Variants in SLC6A19 observed in about 807,000 individuals in gnomAD.
SLC6A19 encodes the protein solute carrier family 6 member 19, also known as sodium-dependent neutral amino acid transporter B(0)AT1.
Under a neutral mutation model 68.3 loss-of-function variants are expected in SLC6A19, and 67 were observed. The observed-to-expected ratio is 0.98, with a 90% confidence interval of 0.81 to 1.20. SLC6A19 has a LOEUF of 1.20. Ranked by LOEUF, SLC6A19 falls within the 50% of genes most tolerant of loss-of-function variation. The probability of loss-of-function intolerance (pLI) is 0.00; values close to 1 mark genes in which losing one functional copy is unlikely to be tolerated. For synonymous variants in SLC6A19, 392 were observed against 374.9 expected (o/e 1.05, Z -0.53); for missense variants, 813 against 851.6 (o/e 0.95, Z 0.56).
rs1410574210 is a variant in SLC6A19 at position 1,215,751 on chromosome 5, A to T, written c.888-807A>T. ...CTTTCGTTCTTCTGGGTGTGCGCCT[A>T]GGAGTGGAGTTGCTGCGTCATGCTG... On this transcript the variant is annotated intron_variant, in intron 6 of 11. Transcript: ENST00000304460. The surrounding 1 kb of genome is among the most constrained non-coding windows in gnomAD (Gnocchi z 5.1). Among the ~76,000 whole-genome samples, 1 of 152,190 alleles carries T rather than the reference A, an allele frequency of 6.6e-6. No individual in the cohort carries two copies. The highest frequency in any genetic ancestry group is 2.4e-5 in the African/African-American group (1 of 41,436).
chr5:1,203,861 C>T (rs184666475), intron 1 of SLC6A19, among the ~76,000 whole-genome samples: 1 of 152,316 alleles, frequency 6.6e-6, no homozygotes. Flanking sequence ...AGCAGGGCAC[C>T]CGTCTCCTGG....
rs879138777 is a variant in SLC6A19 at position 1,221,040 on chromosome 5, G to A, written c.1539-111G>A. On this transcript the variant is annotated intron_variant, in intron 10 of 11. Coordinates refer to ENST00000304460, the MANE Select transcript of SLC6A19 (RefSeq NM_001003841.3). ...GAGGGATCGGGCCCTGGCAAGGGGA[G>A]GCCGGGCACCTCGCAGCACACCATC... 1.6e-5 allele frequency: 22 copies of A among 1,398,294 alleles called. No individual in the cohort carries two copies. In the South Asian group the frequency reaches 2.0e-4, roughly 13 times the overall value. 86.6% of individuals were successfully genotyped at this position (1,398,294 alleles called of 1,614,324 possible).
chr5:1,205,038 T>C (rs1745814991), intron 1 of SLC6A19, among the ~76,000 whole-genome samples: 2 of 152,160 alleles, frequency 1.3e-5, no homozygotes, highest in South Asian at 2.1e-4. Flanking sequence ...TCTCTTTCCC[T>C]CTGGGTGCTT....
chr5:1,221,131 G>C lies in SLC6A19; in HGVS notation c.1539-20G>C, dbSNP rs113981520. The C allele has an allele frequency of 4.6e-5, 74 of 1,611,560 alleles. No homozygotes were observed. The African/African-American group carries it at 7.9e-4, about 17-fold the overall frequency. On this transcript the variant is annotated intron_variant, in intron 10 of 11. Transcript: ENST00000304460. ...AGCCCAGCTGGTAGCAGCAGTGACA[G>C]CTGTCTCTGGCCTTGGCAGGTTCAA...
chr5:1,201,848 A>G lies in SLC6A19; in HGVS notation c.198A>G (p.Gly66=). Reference sequence around the variant, plus strand: ...TCCCCTACCTGTGTCAGAGCCACGGAGGAGGTAGGCTGGCCGGGCGGGGCT... The same window carrying G: ...TCCCCTACCTGTGTCAGAGCCACGGGGGAGGTAGGCTGGCCGGGCGGGGCT... ...WRFPYLCQSH[G]GGAFMIPFLI... Residue 66 remains glycine, a synonymous_variant, in exon 1 of 12, where the codon GGA becomes GGG. Transcript: ENST00000304460. 6.2e-7 allele frequency: 1 copy of G among 1,610,198 alleles called. No individual in the cohort carries two copies. Among genetic ancestry groups the G allele is most frequent in the South Asian group, 1.1e-5 (1 of 91,056 alleles).
At chr5:1,201,938 G>A (rs1035559236) in intron 1 of SLC6A19, 86 bp downstream of exon 1, 17 of 1,476,626 alleles carry the variant, frequency 1.2e-5, no homozygotes, top group East Asian at 4.9e-5. Flanking sequence ...CATCCTCCCC[G>A]GACCCTCGGC....
At chr5:1,203,078 C>T (rs1745760173) in intron 1 of SLC6A19, among the ~76,000 whole-genome samples, 1 of 152,124 alleles carries the variant, frequency 6.6e-6, no homozygotes, top group Non-Finnish European at 1.5e-5. Context: ...TCCCTGCGCT[C>T]ACCCACACCC....
At position 1,222,496 on chromosome 5, in the gene SLC6A19, G is replaced by A. The variant is rs1746418972; in HGVS notation, c.*592G>A. On this transcript the variant is annotated 3_prime_UTR_variant, in exon 12 of 12. Transcript: ENST00000304460. ...TGCACATGTGTATATGTACATGTAT[G>A]CCTGTGTGACGTGTGTATATGTGAG... 4.7e-6 allele frequency: 2 copies of A among 422,544 alleles called. No individual in the cohort carries two copies. The highest frequency in any genetic ancestry group is 8.3e-6 in the Non-Finnish European group (2 of 239,664). 26.2% of individuals were successfully genotyped at this position (422,544 alleles called of 1,614,324 possible).
Position 1,212,552 on chromosome 5 carries a change from C to A in SLC6A19, c.663+68C>A. 1 of 1,581,902 alleles carries A rather than the reference C, an allele frequency of 6.3e-7. No homozygotes were observed. The highest frequency in any genetic ancestry group is 1.1e-5 in the South Asian group (1 of 90,356). On this transcript the variant is annotated intron_variant, in intron 4 of 11. Transcript: ENST00000304460. This position sits in a 1 kb window ranked among gnomAD's most constrained non-coding sequence, Gnocchi z 5.1. Reference sequence around the variant, plus strand: ...GGGTGCGGGCAGCCCTGCCTCCGGCCGGCTGCACTCTAAAACCCAGGTCTG... The same window carrying A: ...GGGTGCGGGCAGCCCTGCCTCCGGCAGGCTGCACTCTAAAACCCAGGTCTG...
At chr5:1,206,654 G>A (rs1561161862) in intron 1 of SLC6A19, among the ~76,000 whole-genome samples, 1 of 152,142 alleles carries the variant, frequency 6.6e-6, no homozygotes, top group Non-Finnish European at 1.5e-5. Context: ...GGGGGCGGGA[G>A]GATGATGGGG....
intron 4 of SLC6A19, among the ~76,000 whole-genome samples, chr5:1,213,152 C>A (rs1345868498): frequency 2.5e-5 from 3 of 118,512 alleles, no homozygotes; most frequent in Admixed American, 8.4e-5. Flanking sequence ...GTAGGCCTGG[C>A]CCCCCTCCGC....
chr5:1,217,091 G>A lies in SLC6A19; in HGVS notation c.1173+146G>A. On this transcript the variant is annotated intron_variant, in intron 8 of 11. Coordinates refer to ENST00000304460, the MANE Select transcript of SLC6A19 (RefSeq NM_001003841.3). ...CCAGCTCCCACTGTCTGCTCTGCCT[G>A]GCGTCCAGGGCTCTTCGGTCTGGGG... The A allele has an allele frequency of 2.3e-6, 3 of 1,298,728 alleles. 1 individual carries two copies. The South Asian group carries it at 3.8e-5, about 17-fold the overall frequency. 80.5% of individuals were successfully genotyped at this position (1,298,728 alleles called of 1,614,324 possible). A position where few individuals can be genotyped will look rare whatever the true frequency, so the allele number is the denominator to read the frequency against.
rs1037122540 is a variant in SLC6A19 at position 1,209,108 on chromosome 5, C to A, written c.343+222C>A. On this transcript the variant is annotated intron_variant, in intron 2 of 11. Coordinates refer to ENST00000304460, the MANE Select transcript of SLC6A19 (RefSeq NM_001003841.3). This position sits in a 1 kb window ranked among gnomAD's most constrained non-coding sequence, Gnocchi z 5.5. ...ACCAGACAGGCCAGCAGAGGCCGCC[C>A]GAGTCCCTGGCAGCCCAGGGCCCAG... Among the ~76,000 whole-genome samples the A allele has an allele frequency of 1.3e-5, 2 of 152,312 alleles. No individual in the cohort carries two copies. The highest frequency in any genetic ancestry group is 1.5e-5 in the Non-Finnish European group (1 of 68,010).
chr5:1,213,632 C>G, intron 5 of SLC6A19, 59 bp downstream of exon 5: 1 of 1,489,690 alleles, frequency 6.7e-7, no homozygotes, highest in Non-Finnish European at 9.3e-7. Flanking sequence ...TGCCCTGTGC[C>G]CCCGCCAGCC....
At chr5:1,205,665 C>T (rs993518920) in intron 1 of SLC6A19, among the ~76,000 whole-genome samples, 1 of 152,164 alleles carries the variant, frequency 6.6e-6, no homozygotes. Flanking sequence ...AGGGTTAGGG[C>T]ATAGTGGAGG....
chr5:1,221,910 C>CTGTGTTCAGGGTACAGAGGGAGAGT lies in SLC6A19; in HGVS notation c.*6_*7insTGTGTTCAGGGTACAGAGGGAGAGT. On this transcript the variant is annotated 3_prime_UTR_variant, in exon 12 of 12. Coordinates refer to ENST00000304460, the MANE Select transcript of SLC6A19 (RefSeq NM_001003841.3). The stretch of plus-strand genomic sequence containing the variant: ...ACGGGGACCTGAAGTACTGAGAAGG[C>CTGTGTTCAGGGTACAGAGGGAGAGT]CCATCCCACGGCGTGCCATACACTG... The CTGTGTTCAGGGTACAGAGGGAGAGT allele has an allele frequency of 6.2e-7, 1 of 1,613,464 alleles. No homozygotes were observed.
chr5:1,206,934 C>T lies in SLC6A19; in HGVS notation c.203-1812C>T, dbSNP rs75338606. Among the ~76,000 whole-genome samples, 847 of 152,308 alleles carry T rather than the reference C, an allele frequency of 5.6e-3. 3 individuals are homozygous for T. Among genetic ancestry groups the T allele is most frequent in the Middle Eastern group, 0.017 (5 of 294 alleles). On this transcript the variant is annotated intron_variant, in intron 1 of 11. Coordinates refer to ENST00000304460, the MANE Select transcript of SLC6A19 (RefSeq NM_001003841.3). Reference sequence around the variant, plus strand: ...ACAGCTGTGTTTGGAATTCTTGCGCCGTTGCAGCTGCTGACCTCGGTCCCA... The same window carrying T: ...ACAGCTGTGTTTGGAATTCTTGCGCTGTTGCAGCTGCTGACCTCGGTCCCA...
rs1179189236 is a variant in SLC6A19, at chr5:1,224,117, A to T, written c.*2213A>T. On this transcript the variant is annotated 3_prime_UTR_variant, in exon 12 of 12. Coordinates refer to ENST00000304460, the MANE Select transcript of SLC6A19 (RefSeq NM_001003841.3). Reference sequence around the variant, plus strand: ...CCCCATTAATATGCTGCCCTGTGGCATCTGCCCAGGAGGCCCTGCCAGGCG... The same window carrying T: ...CCCCATTAATATGCTGCCCTGTGGCTTCTGCCCAGGAGGCCCTGCCAGGCG... The T allele has an allele frequency of 6.6e-6, 1 of 152,284 alleles. No homozygotes were observed. Among genetic ancestry groups the T allele is most frequent in the Non-Finnish European group, 1.5e-5 (1 of 68,084 alleles). 9.4% of individuals were successfully genotyped at this position (152,284 alleles called of 1,614,324 possible).
At position 1,214,798 on chromosome 5, in the gene SLC6A19, C is replaced by T. The variant is rs566382681; in HGVS notation, c.887+733C>T. On this transcript the variant is annotated intron_variant, in intron 6 of 11. Coordinates refer to ENST00000304460, the MANE Select transcript of SLC6A19 (RefSeq NM_001003841.3). The surrounding 1 kb of genome is among the most constrained non-coding windows in gnomAD (Gnocchi z 7.4). ...CGATTGGAGTCAGACACAGGGGACC[C>T]TCAGTGCAAGGGGGCAGGGCCTGGG... Among the ~76,000 whole-genome samples, 116 of 148,228 alleles carry T rather than the reference C, an allele frequency of 7.8e-4. No individual in the cohort carries two copies. The highest frequency in any genetic ancestry group is 1.3e-3 in the Non-Finnish European group (88 of 67,064).
Sources: allele counts gnomAD v4.1 joint callset (sites outside exome capture counted in the v4.1 genomes callset), GRCh38; gene constraint gnomAD v4.1.1; non-coding constraint Gnocchi (gnomAD v3.1); transcripts MANE v1.5; gene names NCBI Gene and HGNC (gene_info 2026-07-23, HGNC 2026-07-21).